Variants in RANBP2 observed in about 807,000 individuals in gnomAD.
The protein encoded by RANBP2 is E3 SUMO-protein ligase RanBP2.
In RANBP2, 57 loss-of-function variants were observed where a neutral mutation model predicts 303.6. That is an observed-to-expected ratio of 0.19 (90% CI 0.15 to 0.23). RANBP2 has a LOEUF of 0.23. RANBP2 is among the 10% of genes least tolerant of loss of function. The pLI is 1.00. For missense variants in RANBP2, 3,138 were observed against 3,780.8 expected, an observed-to-expected ratio of 0.83 and a Z score of 4.46; for synonymous variants, 1,167 against 1,301.5, an observed-to-expected ratio of 0.90 and a Z score of 2.23.
the RANBP2 span, among the ~76,000 whole-genome samples, chr2:109,306,673 A>C: frequency 1.3e-5 from 2 of 152,260 alleles, no homozygotes; most frequent in African/African-American, 4.8e-5. Context: ...CCAAATGCCC[A>C]GTAACCTAGC....
At position 108,735,651 on chromosome 2, in the gene RANBP2, T is replaced by C. The variant is rs776998099; in HGVS notation, c.525T>C (p.Tyr175=). Reference sequence around the variant, plus strand: ...TGAACATCCGGCTAGTGGAGGTGTATCGCTCAACTAAAAGATTGAAGGATG... The same window carrying C: ...TGAACATCCGGCTAGTGGAGGTGTACCGCTCAACTAAAAGATTGAAGGATG... The part of the protein sequence containing the change: ...VHVNIRLVEV[Y]RSTKRLKDAV... Residue 175 remains tyrosine, a synonymous_variant, in exon 5 of 29, where the codon TAT becomes TAC. Transcript: ENST00000283195. 3 of 1,597,466 alleles carry C rather than the reference T, an allele frequency of 1.9e-6. No homozygotes were observed. Among genetic ancestry groups the C allele is most frequent in the Non-Finnish European group, 2.5e-6 (3 of 1,179,792 alleles).
chr2:109,676,670 G>C, the RANBP2 span, among the ~76,000 whole-genome samples: 1 of 152,180 alleles, frequency 6.6e-6, no homozygotes, highest in Non-Finnish European at 1.5e-5. Context: ...CTGAAATAAG[G>C]AGGCAAGCCA....
chr2:109,499,995 T>C, the RANBP2 span, among the ~76,000 whole-genome samples: 11 of 152,104 alleles, frequency 7.2e-5, no homozygotes, highest in African/African-American at 1.9e-4. Flanking sequence ...AAGTGAAAAG[T>C]TACAGATGGT....
chr2:109,073,226 A>C, the RANBP2 span, among the ~76,000 whole-genome samples: 1 of 152,230 alleles, frequency 6.6e-6, no homozygotes, highest in Non-Finnish European at 1.5e-5. Context: ...AAAAAGTGCC[A>C]AACAGAAATC....
chr2:109,434,137 G>A, the RANBP2 span, among the ~76,000 whole-genome samples: 1 of 152,234 alleles, frequency 6.6e-6, no homozygotes, highest in African/African-American at 2.4e-5. Context: ...TTCCAGGAAA[G>A]CACAGGTCAC....
At position 108,736,635 on chromosome 2, in the gene RANBP2, T is replaced by C. The variant is rs186231290; in HGVS notation, c.782+386T>C. Among the ~76,000 whole-genome samples, 685 of 152,380 alleles carry C rather than the reference T, an allele frequency of 4.5e-3. 4 individuals carry two copies. The highest frequency in any genetic ancestry group is 0.016 in the African/African-American group (653 of 41,586). On this transcript the variant is annotated intron_variant, in intron 6 of 28. Coordinates refer to ENST00000283195, the MANE Select transcript of RANBP2 (RefSeq NM_006267.5). ...CATCAGATGGCTAGGTTCACATGTA[T>C]TAGTATAAGCACTTAGCATCACTGG...
At chr2:109,731,894 C>G in the RANBP2 span, among the ~76,000 whole-genome samples, 1 of 151,610 alleles carries the variant, frequency 6.6e-6, no homozygotes, top group African/African-American at 2.4e-5. Flanking sequence ...GTCACCCAGG[C>G]TGGAGTGCAG....
At chr2:108,872,043 G>A in the RANBP2 span, among the ~76,000 whole-genome samples, 1 of 152,080 alleles carries the variant, frequency 6.6e-6, no homozygotes, top group Non-Finnish European at 1.5e-5. Context: ...ATTTAAAGAG[G>A]TACTTCATGT....
chr2:109,489,583 C>G, the RANBP2 span, among the ~76,000 whole-genome samples: 3 of 152,256 alleles, frequency 2.0e-5, no homozygotes, highest in Admixed American at 6.5e-5. Context: ...GGTCCCGTGA[C>G]AGAGAGGGCT....
At chr2:109,244,172 G>A in the RANBP2 span, among the ~76,000 whole-genome samples, 2 of 152,186 alleles carry the variant, frequency 1.3e-5, no homozygotes, top group Non-Finnish European at 2.9e-5. Context: ...TTTGAAGGAT[G>A]TACTATTTAT....
chr2:108,762,683 G>A (rs1341320170), intron 19 of RANBP2, among the ~76,000 whole-genome samples: 3 of 142,814 alleles, frequency 2.1e-5, no homozygotes, highest in Non-Finnish European at 4.5e-5. Context: ...GTAAAATGAG[G>A]ATAATAATAA....
At chr2:109,594,271 T>TA in the RANBP2 span, among the ~76,000 whole-genome samples, 44 of 151,248 alleles carry the variant, frequency 2.9e-4, no homozygotes, top group African/African-American at 7.5e-4. Context: ...ATGAATGTGG[T>TA]AAAAAAAAAA....
the RANBP2 span, among the ~76,000 whole-genome samples, chr2:109,612,003 C>T: frequency 6.6e-6 from 1 of 152,156 alleles, no homozygotes; most frequent in Non-Finnish European, 1.5e-5. Flanking sequence ...GAACTGAAGA[C>T]TTATGCTTAC....
At chr2:109,648,880 C>T in the RANBP2 span, among the ~76,000 whole-genome samples, 1 of 151,790 alleles carries the variant, frequency 6.6e-6, no homozygotes, top group Admixed American at 6.6e-5. Context: ...TCTTGAACTC[C>T]AGACCTTGTG....
the RANBP2 span, among the ~76,000 whole-genome samples, chr2:109,763,568 CAAAG>C: frequency 1.3e-4 from 19 of 149,600 alleles, no homozygotes; most frequent in African/African-American, 2.9e-4. Context: ...ACTAAAATAA[CAAAG>C]AGAGAGAGCC....
chr2:108,793,302 C>G, the RANBP2 span, among the ~76,000 whole-genome samples: 1 of 152,212 alleles, frequency 6.6e-6, no homozygotes, highest in Non-Finnish European at 1.5e-5. Flanking sequence ...CACTGCACTC[C>G]AGCCTGGGCG....
At chr2:109,458,914 C>G in the RANBP2 span, among the ~76,000 whole-genome samples, 1 of 152,326 alleles carries the variant, frequency 6.6e-6, no homozygotes, top group African/African-American at 2.4e-5. Flanking sequence ...GGGTACCTGC[C>G]TAGCCACACT....
chr2:108,779,715 G>A (rs1437352354), intron 25 of RANBP2, among the ~76,000 whole-genome samples: 1 of 152,198 alleles, frequency 6.6e-6, no homozygotes. Context: ...ATGGGATGGA[G>A]AAGTTTCTAG....
the RANBP2 span, among the ~76,000 whole-genome samples, chr2:109,722,612 ATTC>A: frequency 6.6e-6 from 1 of 152,162 alleles, no homozygotes. Flanking sequence ...TCCATTAGCC[ATTC>A]TTCTGATGCT....
Sources: gnomAD v4.1 joint callset for allele counts (sites outside exome capture counted in the v4.1 genomes callset) on GRCh38, gnomAD v4.1.1 for gene constraint, MANE v1.5 for transcripts, NCBI Gene and HGNC (gene_info 2026-07-23, HGNC 2026-07-21) for gene names.